The following ZNF536 variants were observed in gnomAD, a reference collection of about 807,000 sequenced individuals.
ZNF536 encodes the protein zinc finger protein 536.
In ZNF536, 13 loss-of-function variants were observed where a neutral mutation model predicts 84.5. That is an observed-to-expected ratio of 0.15 (90% CI 0.10 to 0.24). ZNF536 has a LOEUF of 0.24. Among genes scored for constraint, ZNF536 ranks in the 10% least tolerant of loss-of-function variants. The pLI, the probability that ZNF536 is intolerant of heterozygous loss-of-function variation, is 1.00. For missense variants in ZNF536, 1,536 were observed against 1,747.5 expected (o/e 0.88, Z 2.16); for synonymous variants, 811 against 742.5 (o/e 1.09, Z -1.50).
intron 1 of ZNF536, among the ~76,000 whole-genome samples, chr19:30,380,245 A>G (rs1470283263): frequency 6.6e-6 from 1 of 152,102 alleles, no homozygotes; most frequent in Non-Finnish European, 1.5e-5. Flanking sequence ...GCCCAATTAG[A>G]CAATTGCACC....
chr19:30,263,374 C>A (rs540404692), intron 1 of ZNF536, among the ~76,000 whole-genome samples: 20 of 152,110 alleles, frequency 1.3e-4, no homozygotes, highest in Non-Finnish European at 2.4e-4. Context: ...ACCCGTGGAG[C>A]TGGCAGCAGA....
At chr19:30,657,338 C>T (rs997523595) in intron 1 of ZNF536, among the ~76,000 whole-genome samples, 1 of 152,198 alleles carries the variant, frequency 6.6e-6, no homozygotes, top group African/African-American at 2.4e-5. Flanking sequence ...GTTAATCACT[C>T]TACAGACTTG....
chr19:30,560,230 CT>C (rs1214009307), downstream of ZNF536, among the ~76,000 whole-genome samples: 1 of 152,042 alleles, frequency 6.6e-6, no homozygotes, highest in African/African-American at 2.4e-5. Context: ...TTCCTTCCCC[CT>C]AAGCCACCTT....
chr19:30,396,595 T>TA (rs2049829453), intron 1 of ZNF536, among the ~76,000 whole-genome samples: 1 of 37,208 alleles, frequency 2.7e-5, no homozygotes, highest in Non-Finnish European at 7.5e-5. Flanking sequence ...GCTCTCTCTT[T>TA]TTTTTTTTTT....
chr19:30,605,353 C>G (rs1301553776), intron 1 of ZNF536, among the ~76,000 whole-genome samples: 1 of 151,950 alleles, frequency 6.6e-6, no homozygotes, highest in South Asian at 2.1e-4. Flanking sequence ...TCCCCCACCG[C>G]CAAGTCCCCA....
chr19:30,234,286 G>T (rs1269837876), intron 1 of ZNF536, among the ~76,000 whole-genome samples: 1 of 152,212 alleles, frequency 6.6e-6, no homozygotes, highest in Non-Finnish European at 1.5e-5. Context: ...CTGGCTCCTG[G>T]GGAGTATATT....
chr19:30,672,726 C>A (rs142240163), intron 1 of ZNF536, among the ~76,000 whole-genome samples: 4 of 152,276 alleles, frequency 2.6e-5, no homozygotes, highest in African/African-American at 9.6e-5. Context: ...CTTCCAGAAT[C>A]ATACCCTAAG....
chr19:30,293,163 T>C (rs1291062608), intron 2 of ZNF536, among the ~76,000 whole-genome samples: 2 of 152,124 alleles, frequency 1.3e-5, no homozygotes, highest in Non-Finnish European at 2.9e-5. Flanking sequence ...TCCTTTTGCC[T>C]CTCGGGCTCT....
At chr19:30,451,043 C>G (rs888272744) in intron 2 of ZNF536, among the ~76,000 whole-genome samples, 5 of 152,348 alleles carry the variant, frequency 3.3e-5, no homozygotes, top group Middle Eastern at 3.4e-3. Context: ...TCGTGTGTGC[C>G]GAAGCTGTGC....
At chr19:30,556,035 C>CT (rs1165846082) in intron 4 of ZNF536, 1 of 152,222 alleles carries the variant, frequency 6.6e-6, no homozygotes, top group South Asian at 2.1e-4. Context: ...TCTTCCTTCT[C>CT]TTTTTTGTGA....
At position 30,384,098 on chromosome 19, in the gene ZNF536, CTCTTTCTTTCTTTCTTTCTT is replaced by C. The variant is rs749685060; in HGVS notation, c.-3+11589_-3+11608del. Among the ~76,000 whole-genome samples, 154 of 86,550 alleles carry C rather than the reference CTCTTTCTTTCTTTCTTTCTT, an allele frequency of 1.8e-3. 2 individuals carry two copies. The highest frequency in any genetic ancestry group is 6.7e-3 in the African/African-American group (146 of 21,804). 56.8% of individuals were successfully genotyped at this position (86,550 alleles called of 152,430 possible). A position where few individuals can be genotyped will look rare whatever the true frequency, so the allele number is the denominator to read the frequency against. ...CCTCTCTTCTTCTGCCCACCTCTTT[CTCTTTCTTTCTTTCTTTCTT>C]TCTTTCTTTCTTTCTTTCTTTCTTT... is the stretch of plus-strand genomic sequence containing the variant. On this transcript the variant is annotated intron_variant, in intron 1 of 4. Coordinates refer to ENST00000355537, the MANE Select transcript of ZNF536 (RefSeq NM_014717.3).
intron 2 of ZNF536, among the ~76,000 whole-genome samples, chr19:30,480,950 G>A (rs996444039): frequency 2.1e-4 from 32 of 151,216 alleles, no homozygotes; most frequent in African/African-American, 7.0e-4. Flanking sequence ...CAGGAGAGTC[G>A]CCCGGGAGGC....
intron 1 of ZNF536, among the ~76,000 whole-genome samples, chr19:30,425,317 G>A (rs2051165255): frequency 6.6e-6 from 1 of 151,928 alleles, no homozygotes; most frequent in African/African-American, 2.4e-5. Flanking sequence ...AGGAGTAACC[G>A]AGGGCCCCAG....
intron 1 of ZNF536, among the ~76,000 whole-genome samples, chr19:30,679,204 C>T (rs995110726): frequency 2.6e-5 from 4 of 152,120 alleles, no homozygotes; most frequent in East Asian, 1.9e-4. Flanking sequence ...GGCACCAGCC[C>T]GATTTTTTAT....
At chr19:30,466,544 C>T (rs892782843) in intron 2 of ZNF536, among the ~76,000 whole-genome samples, 1 of 148,590 alleles carries the variant, frequency 6.7e-6, no homozygotes, top group African/African-American at 2.5e-5. Context: ...GCTTTGGTGA[C>T]AGAGTGAAAC....
At chr19:30,597,246 AAT>A (rs1462588144) in intron 1 of ZNF536, among the ~76,000 whole-genome samples, 2 of 151,838 alleles carry the variant, frequency 1.3e-5, no homozygotes, top group African/African-American at 4.8e-5. Flanking sequence ...GTCTAGTCTA[AAT>A]ATATATATAT....
intron 2 of ZNF536, among the ~76,000 whole-genome samples, chr19:30,293,448 G>A (rs76430484): frequency 0.026 from 3,892 of 152,268 alleles, 158 homozygotes; most frequent in African/African-American, 0.088. Context: ...GCAGGAAATG[G>A]CTGGTCTTGC....
chr19:30,617,683 C>A (rs969079692), intron 1 of ZNF536, among the ~76,000 whole-genome samples: 4 of 152,080 alleles, frequency 2.6e-5, no homozygotes, highest in Non-Finnish European at 5.9e-5. Flanking sequence ...TATATTCTCC[C>A]TCCTGTTATA....
chr19:30,593,462 C>A (rs1247247137), intron 1 of ZNF536, among the ~76,000 whole-genome samples: 4 of 152,274 alleles, frequency 2.6e-5, no homozygotes, highest in Admixed American at 1.3e-4. Flanking sequence ...CAGGCCACAC[C>A]CAGCCAGCAG....
Sources: gnomAD v4.1 joint callset for allele counts (sites outside exome capture counted in the v4.1 genomes callset) on GRCh38, gnomAD v4.1.1 for gene constraint, MANE v1.5 for transcripts, NCBI Gene and HGNC (gene_info 2026-07-23, HGNC 2026-07-21) for gene names.